The following ENPP3 variants were observed in gnomAD, a reference collection of about 807,000 sequenced individuals.
ENPP3 encodes the protein ectonucleotide pyrophosphatase/phosphodiesterase 3.
In ENPP3, 104 loss-of-function variants were observed where a neutral mutation model predicts 117.8. That is an observed-to-expected ratio of 0.88 (90% CI 0.75 to 1.04). The LOEUF (loss-of-function observed/expected upper bound fraction) is 1.04. Ranked by LOEUF, ENPP3 falls within the 50% of genes least tolerant of loss-of-function variation. The pLI is 0.00. For missense variants in ENPP3, 1,026 were observed against 1,051.9 expected (o/e 0.98, Z 0.34); for synonymous variants, 380 against 349.9 (o/e 1.09, Z -0.96).
At chr6:131,727,555 C>CAAAA (rs773470669) in intron 20 of ENPP3, among the ~76,000 whole-genome samples, 27 of 52,148 alleles carry the variant, frequency 5.2e-4, no homozygotes, top group Middle Eastern at 0.011. Context: ...AAGTCCATCT[C>CAAAA]AAAAAAAAAA....
chr6:131,663,958 T>G (rs117702581), intron 6 of ENPP3, among the ~76,000 whole-genome samples: 5,461 of 152,304 alleles, frequency 0.036, 152 homozygotes, highest in Non-Finnish European at 0.056. Context: ...CTCAAACTCC[T>G]GGGCTCAGGC....
At chr6:131,701,894 A>AAAAAG (rs1779543623) in intron 15 of ENPP3, among the ~76,000 whole-genome samples, 2 of 118,992 alleles carry the variant, frequency 1.7e-5, no homozygotes, top group African/African-American at 5.6e-5. Flanking sequence ...GAAAAAAAAA[A>AAAAAG]AAAAGAAAAG....
intron 11 of ENPP3, among the ~76,000 whole-genome samples, chr6:131,679,018 C>A (rs1233221256): frequency 1.4e-5 from 1 of 72,894 alleles, no homozygotes; most frequent in Non-Finnish European, 2.6e-5. Flanking sequence ...TCCTTCCTTC[C>A]TTCCTTCCTT....
At chr6:131,653,316 T>C (rs1250589102) in intron 5 of ENPP3, among the ~76,000 whole-genome samples, 25 of 149,156 alleles carry the variant, frequency 1.7e-4, no homozygotes, top group Admixed American at 4.7e-4. Flanking sequence ...TTCTCTCTTT[T>C]TTTTTTTTTT....
At chr6:131,675,056 C>T (rs377543605) in intron 8 of ENPP3, 24 bp from the exon 9 acceptor site, 81 of 1,445,316 alleles carry the variant, frequency 5.6e-5, no homozygotes, top group Middle Eastern at 1.7e-4. Context: ...TACTGACTTT[C>T]GCTTATCCTA....
chr6:131,679,017 C>CCTTG (rs1778951510), intron 11 of ENPP3, among the ~76,000 whole-genome samples: 1 of 96,144 alleles, frequency 1.0e-5, no homozygotes, highest in Non-Finnish European at 2.1e-5. Flanking sequence ...TTCCTTCCTT[C>CCTTG]CTTCCTTCCT....
In ENPP3 at chr6:131,643,178, G is replaced by A. The variant is rs77720141; in HGVS notation, c.154+1648G>A. On this transcript the variant is annotated intron_variant, in intron 2 of 24. Coordinates refer to ENST00000357639, the MANE Select transcript of ENPP3 (RefSeq NM_005021.5). ...TGCTGGAAGATTACTATCTTCTCTT[G>A]TCACTTGGCTGTTGTGTTTCTGGGC... Among the ~76,000 whole-genome samples, 1,121 of 152,266 alleles carry A rather than the reference G, an allele frequency of 7.4e-3. 15 individuals are homozygous for A. The highest frequency in any genetic ancestry group is 0.025 in the African/African-American group (1,028 of 41,540).
chr6:131,671,152 T>A (rs1210096543), intron 6 of ENPP3, 96 bp from the exon 7 acceptor site: 1 of 771,676 alleles, frequency 1.3e-6, no homozygotes, highest in Non-Finnish European at 2.3e-6. Context: ...TAGTTTGTTT[T>A]TTATTTTTCT....
At chr6:131,723,940 T>C (rs964957664) in intron 18 of ENPP3, 100 bp from the exon 19 acceptor site, 1 of 818,174 alleles carries the variant, frequency 1.2e-6, no homozygotes, top group African/African-American at 1.7e-5. Flanking sequence ...CAGTATAACA[T>C]TTAATCGATT....
intron 15 of ENPP3, among the ~76,000 whole-genome samples, chr6:131,717,352 GTGTGT>G (rs1287596798): frequency 0.045 from 613 of 13,500 alleles, 5 homozygotes; most frequent in Admixed American, 0.085. Context: ...CCTGCGGGGG[GTGTGT>G]GTGTGTGTGT....
At chr6:131,724,126 T>C in intron 19 of ENPP3, 35 bp downstream of exon 19, 2 of 1,463,786 alleles carry the variant, frequency 1.4e-6, no homozygotes, top group Non-Finnish European at 1.9e-6. Context: ...GTCTTTGATA[T>C]TTAGACCTAA....
At chr6:131,638,513 C>G (rs1029461361) in intron 1 of ENPP3, 1 of 452,896 alleles carries the variant, frequency 2.2e-6, no homozygotes, top group Admixed American at 2.4e-5. Flanking sequence ...AAGTGATCCT[C>G]CTGCCTCAGC....
intron 23 of ENPP3, among the ~76,000 whole-genome samples, chr6:131,739,909 A>T: frequency 2.4e-5 from 1 of 41,426 alleles, no homozygotes; most frequent in South Asian, 7.6e-4. Context: ...CATCTCTATT[A>T]AAAAAAAAAA....
intron 14 of ENPP3, among the ~76,000 whole-genome samples, chr6:131,686,977 G>A (rs536984807): frequency 6.6e-6 from 1 of 152,276 alleles, no homozygotes; most frequent in Admixed American, 6.5e-5. Context: ...ATACACATAT[G>A]AGTTTATGTG....
chr6:131,746,361 G>T (rs1780635757), intron 24 of ENPP3, among the ~76,000 whole-genome samples: 1 of 152,008 alleles, frequency 6.6e-6, no homozygotes, highest in Admixed American at 6.6e-5. Context: ...GAAAAAAATT[G>T]TAGAATACCA....
At chr6:131,713,358 GT>G (rs1368462917) in intron 15 of ENPP3, among the ~76,000 whole-genome samples, 1 of 151,000 alleles carries the variant, frequency 6.6e-6, no homozygotes, top group African/African-American at 2.5e-5. Flanking sequence ...AGATTGTATA[GT>G]TTTTTATGGT....
chr6:131,661,403 A>G (rs565657385), intron 6 of ENPP3, among the ~76,000 whole-genome samples: 2 of 152,088 alleles, frequency 1.3e-5, no homozygotes, highest in African/African-American at 4.8e-5. Flanking sequence ...TTTTTTTGAT[A>G]CTAGATATCC....
chr6:131,675,140 G>C lies in ENPP3; in HGVS notation c.823G>C (p.Glu275Gln). The change falls in exon 9 of 25, where the codon GAA becomes CAA. Residue 275 changes from glutamate to glutamine, a missense_variant. Coordinates refer to ENST00000357639, the MANE Select transcript of ENPP3 (RefSeq NM_005021.5). ...KAATYFWPGS[E>Q]VAINGSFPSI... Reference sequence around the variant, plus strand: ...CGCTACCTACTTTTGGCCCGGATCAGAAGTGGCTATAAATGGCTCCTTTCC... The same window carrying C: ...CGCTACCTACTTTTGGCCCGGATCACAAGTGGCTATAAATGGCTCCTTTCC... 1 of 1,613,792 alleles carries C rather than the reference G, an allele frequency of 6.2e-7. No homozygotes were observed. Among genetic ancestry groups the C allele is most frequent in the South Asian group, 1.1e-5 (1 of 91,066 alleles).
chr6:131,744,952 G>C (rs902200816), intron 24 of ENPP3, among the ~76,000 whole-genome samples: 2 of 152,108 alleles, frequency 1.3e-5, no homozygotes, highest in Non-Finnish European at 2.9e-5. Flanking sequence ...AGATTAGTTG[G>C]TGCCAGCGAC....
Sources: allele counts gnomAD v4.1 joint callset (sites outside exome capture counted in the v4.1 genomes callset), GRCh38; gene constraint gnomAD v4.1.1; transcripts MANE v1.5; gene names NCBI Gene and HGNC (gene_info 2026-07-23, HGNC 2026-07-21).